The following SOX6 variants were observed in gnomAD, a reference collection of about 807,000 sequenced individuals.
The protein encoded by SOX6 is transcription factor SOX-6.
Under a neutral mutation model 97.8 loss-of-function variants are expected in SOX6, and 11 were observed. That is an observed-to-expected ratio of 0.11 (90% CI 0.07 to 0.19). SOX6 has a LOEUF of 0.19. Among genes scored for constraint, SOX6 ranks in the 10% least tolerant of loss-of-function variants. The pLI is 1.00. For missense variants in SOX6, 810 were observed against 1,039.5 expected (o/e 0.78, Z 3.04); for synonymous variants, 360 against 371.4 (o/e 0.97, Z 0.35).
At chr11:16,617,322 C>T (rs563028871) in intron 3 of SOX6, among the ~76,000 whole-genome samples, 20 of 151,932 alleles carry the variant, frequency 1.3e-4, no homozygotes, top group Admixed American at 5.2e-4. Context: ...CACTTATTCA[C>T]GCTTAAAGTT....
intron 4 of SOX6, among the ~76,000 whole-genome samples, chr11:16,494,577 T>C (rs1242840083): frequency 1.4e-5 from 2 of 146,474 alleles, no homozygotes; most frequent in Admixed American, 1.3e-4. Context: ...GTAGGCCTCC[T>C]ACACAAAGAA....
At chr11:16,396,529 T>TCCCAC (rs981388712) in intron 1 of SOX6, among the ~76,000 whole-genome samples, 2 of 151,634 alleles carry the variant, frequency 1.3e-5, no homozygotes, top group African/African-American at 4.8e-5. Context: ...TTGTTTTTAT[T>TCCCAC]CCCACTCAAG....
intron 9 of SOX6, among the ~76,000 whole-genome samples, chr11:16,088,351 T>C (rs1164986053): frequency 6.6e-6 from 1 of 152,174 alleles, no homozygotes; most frequent in Non-Finnish European, 1.5e-5. Context: ...TTGTACATTT[T>C]ATGTGTTTGG....
chr11:16,223,765 G>C (rs1852610068), intron 4 of SOX6, among the ~76,000 whole-genome samples: 1 of 152,058 alleles, frequency 6.6e-6, no homozygotes. Context: ...TAAGCAATCT[G>C]AATGGCTTCC....
At chr11:16,602,697 C>T (rs1422060692) in intron 4 of SOX6, among the ~76,000 whole-genome samples, 2 of 152,170 alleles carry the variant, frequency 1.3e-5, no homozygotes, top group South Asian at 2.1e-4. Context: ...TCATTTCCCA[C>T]CAAGAAAGGT....
intron 1 of SOX6, among the ~76,000 whole-genome samples, chr11:16,364,461 CAG>C (rs1857296075): frequency 6.6e-6 from 1 of 152,092 alleles, no homozygotes. Flanking sequence ...AAAGAGGTGT[CAG>C]AGGTTGCACA....
At chr11:16,111,274 G>A (rs1253609605) in intron 7 of SOX6, among the ~76,000 whole-genome samples, 1 of 152,114 alleles carries the variant, frequency 6.6e-6, no homozygotes, top group Non-Finnish European at 1.5e-5. Context: ...TACATGACCT[G>A]TTTTTTGAGG....
Position 16,426,268 on chromosome 11 carries a change from A to C in SOX6, c.-5+50047T>G, listed in dbSNP as rs1421521294. On this transcript the variant is annotated intron_variant, in intron 1 of 15. Transcript: ENST00000396356. Reference sequence around the variant, plus strand: ...GAGACTCCATCTCAAAAAAAAAAAAAAAAAAAAAAAAAAAAAAAAAAAAAA... The same window carrying C: ...GAGACTCCATCTCAAAAAAAAAAAACAAAAAAAAAAAAAAAAAAAAAAAAA... Among the ~76,000 whole-genome samples the C allele has an allele frequency of 5.2e-4, 24 of 45,836 alleles. 1 individual carries two copies. Among genetic ancestry groups the C allele is most frequent in the African/African-American group, 1.7e-3 (21 of 12,528 alleles). The allele number at this position is 45,836 out of a possible 152,430, so 30.1% of individuals were successfully genotyped here. A position where few individuals can be genotyped will look rare whatever the true frequency, so the allele number is the denominator to read the frequency against.
intron 15 of SOX6, among the ~76,000 whole-genome samples, chr11:15,983,490 A>T (rs934521722): frequency 6.6e-6 from 1 of 152,118 alleles, no homozygotes; most frequent in Non-Finnish European, 1.5e-5. Context: ...ATAAAAATTG[A>T]TCTGAACCCA....
intron 3 of SOX6, among the ~76,000 whole-genome samples, chr11:16,691,878 G>T (rs537157339): frequency 8.5e-5 from 13 of 152,148 alleles, no homozygotes; most frequent in African/African-American, 1.4e-4. Flanking sequence ...CATCTCTCTG[G>T]TTTTTCTATG....
intron 4 of SOX6, among the ~76,000 whole-genome samples, chr11:16,489,548 A>G (rs552512581): frequency 1.3e-5 from 2 of 152,162 alleles, no homozygotes; most frequent in Non-Finnish European, 2.9e-5. Context: ...TCTTTAAATC[A>G]GCAATATTCC....
intron 9 of SOX6, among the ~76,000 whole-genome samples, chr11:16,062,878 C>G (rs1847992679): frequency 6.6e-6 from 1 of 151,614 alleles, no homozygotes. Flanking sequence ...ATTATCAAAT[C>G]ATTTAGGTTA....
At chr11:16,698,709 G>A (rs764956134) in intron 3 of SOX6, among the ~76,000 whole-genome samples, 3 of 152,034 alleles carry the variant, frequency 2.0e-5, no homozygotes, top group Non-Finnish European at 4.4e-5. Context: ...CTTATTAATT[G>A]GCCTAATTTC....
rs185361450 is a variant in SOX6, at chr11:16,306,219, A to C, written c.445+12227T>G. Reference sequence around the variant, plus strand: ...TTTCTAAAATATTACCGCTGGGGGAAACCGGGCAAAAGGTACATAGAATCT... The same window carrying C: ...TTTCTAAAATATTACCGCTGGGGGACACCGGGCAAAAGGTACATAGAATCT... On this transcript the variant is annotated intron_variant, in intron 3 of 15. Transcript: ENST00000683767. 1.0e-3 allele frequency among the ~76,000 whole-genome samples: 159 copies of C among 152,316 alleles called. 2 individuals carry two copies. Among genetic ancestry groups the C allele is most frequent in the Admixed American group, 8.4e-3 (129 of 15,292 alleles).
chr11:16,439,036 G>A (rs1358689187), intron 1 of SOX6, among the ~76,000 whole-genome samples: 1 of 152,182 alleles, frequency 6.6e-6, no homozygotes, highest in East Asian at 1.9e-4. Context: ...AGATAAGACA[G>A]AGAGTTTTCA....
chr11:16,271,634 A>C (rs1304706073), intron 3 of SOX6, among the ~76,000 whole-genome samples: 1 of 151,392 alleles, frequency 6.6e-6, no homozygotes, highest in Non-Finnish European at 1.5e-5. Flanking sequence ...TTGGTTTTCA[A>C]ATTTATTTGC....
At chr11:16,097,719 G>T in intron 7 of SOX6, 31 bp from the exon 8 acceptor site, 2 of 1,577,742 alleles carry the variant, frequency 1.3e-6, no homozygotes, top group South Asian at 1.1e-5. Context: ...TACAGGTTTA[G>T]ACAATGCACA....
intron 1 of SOX6, among the ~76,000 whole-genome samples, chr11:16,447,892 C>T (rs569981267): frequency 1.4e-4 from 22 of 152,264 alleles, no homozygotes; most frequent in Non-Finnish European, 2.5e-4. Context: ...CTTACATCCA[C>T]CAAATCAGTA....
At chr11:15,976,603 A>G (rs1853493884) in intron 15 of SOX6, among the ~76,000 whole-genome samples, 1 of 151,776 alleles carries the variant, frequency 6.6e-6, no homozygotes, top group Non-Finnish European at 1.5e-5. Flanking sequence ...AGCCATTTGG[A>G]ATTGGCGGTT....
Sources: gnomAD v4.1 joint callset for allele counts (sites outside exome capture counted in the v4.1 genomes callset) on GRCh38, gnomAD v4.1.1 for gene constraint, MANE v1.5 for transcripts, NCBI Gene and HGNC (gene_info 2026-07-23, HGNC 2026-07-21) for gene names.